Variants in PRKCE observed in about 807,000 individuals in gnomAD.
PRKCE encodes protein kinase C epsilon.
In PRKCE, 16 loss-of-function variants were observed where a neutral mutation model predicts 85.4. That is an observed-to-expected ratio of 0.19 (90% confidence interval 0.13 to 0.28). The LOEUF (loss-of-function observed/expected upper bound fraction) is 0.28, where lower values mean the gene tolerates loss of function less well. Ranked by LOEUF, PRKCE falls within the 10% of genes least tolerant of loss-of-function variation. The pLI is 1.00. For synonymous variants in PRKCE, 388 were observed against 371.5 expected (o/e 1.04, Z -0.51); for missense variants, 573 against 975.2 (o/e 0.59, Z 5.49).
At chr2:45,818,547 T>A (rs181404970) in intron 1 of PRKCE, among the ~76,000 whole-genome samples, 50 of 152,332 alleles carry the variant, frequency 3.3e-4, no homozygotes, top group African/African-American at 1.2e-3. Flanking sequence ...TCTAAAGGGT[T>A]CAACTTACAC....
intron 1 of PRKCE, among the ~76,000 whole-genome samples, chr2:45,797,410 A>G (rs1394528237): frequency 6.6e-6 from 1 of 152,220 alleles, no homozygotes; most frequent in Non-Finnish European, 1.5e-5. Flanking sequence ...ATCTCAGTTT[A>G]CACCTGTGGA....
intron 11 of PRKCE, among the ~76,000 whole-genome samples, chr2:46,108,571 A>G (rs368099408): frequency 6.6e-6 from 1 of 152,196 alleles, no homozygotes; most frequent in Non-Finnish European, 1.5e-5. Flanking sequence ...TGCTCCAGTG[A>G]TGGCTGCACT....
intron 13 of PRKCE, among the ~76,000 whole-genome samples, chr2:46,154,295 G>A (rs929157049): frequency 1.3e-5 from 2 of 152,102 alleles, no homozygotes; most frequent in African/African-American, 4.8e-5. Context: ...GGCCTCGGGG[G>A]TACTAGTCTT....
chr2:46,052,893 T>C (rs1708943587), intron 10 of PRKCE, among the ~76,000 whole-genome samples: 1 of 152,188 alleles, frequency 6.6e-6, no homozygotes, highest in Non-Finnish European at 1.5e-5. Flanking sequence ...ACCAAGACCA[T>C]TCAATGGGAA....
chr2:45,671,767 T>TA (rs201891199), intron 1 of PRKCE, among the ~76,000 whole-genome samples: 57 of 149,620 alleles, frequency 3.8e-4, no homozygotes, highest in Non-Finnish European at 5.2e-4. Context: ...TTGATCAAAG[T>TA]AAAAAAAAAA....
intron 1 of PRKCE, among the ~76,000 whole-genome samples, chr2:45,657,423 G>A (rs1259562743): frequency 2.0e-5 from 3 of 152,226 alleles, no homozygotes. Flanking sequence ...AATGAAATGG[G>A]TTTACTGTGG....
At chr2:45,656,186 T>G (rs1024627652) in intron 1 of PRKCE, among the ~76,000 whole-genome samples, 5 of 152,224 alleles carry the variant, frequency 3.3e-5, no homozygotes, top group Non-Finnish European at 7.3e-5. Flanking sequence ...ACGTAGTCTT[T>G]TCTTAAGCCC....
chr2:46,135,989 G>T (rs1047526724), intron 11 of PRKCE, among the ~76,000 whole-genome samples: 3 of 151,828 alleles, frequency 2.0e-5, no homozygotes, highest in Non-Finnish European at 2.9e-5. Context: ...GGTACCATCT[G>T]CCAGAAGAAC....
chr2:45,979,944 C>T (rs561773752), intron 4 of PRKCE, among the ~76,000 whole-genome samples: 5 of 152,258 alleles, frequency 3.3e-5, no homozygotes, highest in Admixed American at 6.6e-5. Flanking sequence ...GAGGCCACTA[C>T]AACACCTTTA....
rs1262940870 is a variant in PRKCE at position 46,186,311 on chromosome 2, C to A, written c.*1430C>A. 6.6e-6 allele frequency: 1 copy of A among 152,542 alleles called. No individual in the cohort carries two copies. Among genetic ancestry groups the A allele is most frequent in the Non-Finnish European group, 1.5e-5 (1 of 68,032 alleles). The allele number at this position is 152,542 out of a possible 1,614,324, so 9.4% of individuals were successfully genotyped here. ...CTATTGCACGTGGATTTCCCAGCTG[C>A]CCCTAAATATATATACTTGTGAGTG... On this transcript the variant is annotated 3_prime_UTR_variant, in exon 15 of 15. Coordinates refer to ENST00000306156, the MANE Select transcript of PRKCE (RefSeq NM_005400.3).
intron 2 of PRKCE, among the ~76,000 whole-genome samples, chr2:45,877,084 G>C (rs1694532442): frequency 6.9e-6 from 1 of 143,952 alleles, no homozygotes; most frequent in East Asian, 2.4e-4. Flanking sequence ...TTCTTGCATG[G>C]TTTTATTTGT....
At chr2:45,654,398 C>T (rs1675284303) in intron 1 of PRKCE, among the ~76,000 whole-genome samples, 1 of 152,208 alleles carries the variant, frequency 6.6e-6, no homozygotes, top group Non-Finnish European at 1.5e-5. Flanking sequence ...TAGGCCAGAT[C>T]ATCTAGTGCA....
chr2:46,089,918 C>G (rs1267747705), intron 11 of PRKCE, among the ~76,000 whole-genome samples: 1 of 152,136 alleles, frequency 6.6e-6, no homozygotes, highest in African/African-American at 2.4e-5. Flanking sequence ...CCCATTGTCC[C>G]TAGGATTCCC....
intron 2 of PRKCE, among the ~76,000 whole-genome samples, chr2:45,951,064 C>G (rs959266941): frequency 1.3e-5 from 2 of 152,134 alleles, no homozygotes; most frequent in Non-Finnish European, 2.9e-5. Context: ...GCTTAATGCT[C>G]GGTGCCCAAA....
chr2:45,772,132 C>T (rs200730501), intron 1 of PRKCE, among the ~76,000 whole-genome samples: 2 of 151,822 alleles, frequency 1.3e-5, no homozygotes, highest in Admixed American at 1.3e-4. Flanking sequence ...CCGAGTGCAG[C>T]CAGAATTAGC....
At chr2:45,722,632 G>T (rs1025521838) in intron 1 of PRKCE, among the ~76,000 whole-genome samples, 2 of 152,194 alleles carry the variant, frequency 1.3e-5, no homozygotes, top group African/African-American at 4.8e-5. Flanking sequence ...ACTTCCTGGA[G>T]CCATTGTGTG....
At chr2:45,862,317 C>T (rs1693230934) in intron 2 of PRKCE, among the ~76,000 whole-genome samples, 1 of 152,154 alleles carries the variant, frequency 6.6e-6, no homozygotes, top group South Asian at 2.1e-4. Flanking sequence ...AGTCTGCCTC[C>T]TCCTCATCCG....
intron 2 of PRKCE, among the ~76,000 whole-genome samples, chr2:45,926,380 G>T (rs1192605056): frequency 6.6e-6 from 1 of 152,188 alleles, no homozygotes; most frequent in Non-Finnish European, 1.5e-5. Flanking sequence ...TACACAGCAA[G>T]TCGAGGAGGA....
intron 14 of PRKCE, among the ~76,000 whole-genome samples, chr2:46,167,154 G>T (rs559236489): frequency 6.6e-6 from 1 of 152,152 alleles, no homozygotes; most frequent in Non-Finnish European, 1.5e-5. Flanking sequence ...ATTGCAGGAG[G>T]TTGGTGTGAT....
Sources: allele counts gnomAD v4.1 joint callset (sites outside exome capture counted in the v4.1 genomes callset), GRCh38; gene constraint gnomAD v4.1.1; transcripts MANE v1.5; gene names NCBI Gene and HGNC (gene_info 2026-07-23, HGNC 2026-07-21).